The following SMARCC1 variants were observed in gnomAD, a reference collection of about 807,000 sequenced individuals.
SMARCC1 encodes SWI/SNF complex subunit SMARCC1.
Under a neutral mutation model 147.4 loss-of-function variants are expected in SMARCC1, and 43 were observed. That is an observed-to-expected ratio of 0.29 (90% CI 0.23 to 0.38). SMARCC1 has a LOEUF of 0.38. SMARCC1 is among the 10% of genes least tolerant of loss of function. The pLI is 1.00. For missense variants in SMARCC1, 1,119 were observed against 1,381.1 expected (o/e 0.81, Z 3.01); for synonymous variants, 495 against 484.4 (o/e 1.02, Z -0.29).
intron 4 of SMARCC1, among the ~76,000 whole-genome samples, chr3:47,736,906 A>G (rs992729808): frequency 5.9e-5 from 9 of 152,152 alleles, no homozygotes; most frequent in Admixed American, 3.3e-4. Context: ...AGGAAGGTTA[A>G]TTTAGTGATC....
intron 10 of SMARCC1, among the ~76,000 whole-genome samples, chr3:47,703,914 A>C (rs1255315033): frequency 5.3e-5 from 8 of 152,148 alleles, no homozygotes; most frequent in Non-Finnish European, 1.0e-4. Context: ...CTCCTGCCTC[A>C]GCCTCTTGAG....
At chr3:47,593,291 C>A (rs1195990400) in intron 26 of SMARCC1, among the ~76,000 whole-genome samples, 3 of 151,936 alleles carry the variant, frequency 2.0e-5, no homozygotes, top group Non-Finnish European at 2.9e-5. Flanking sequence ...TCTGCCTCAG[C>A]CGCCCGAGTA....
chr3:47,605,542 C>T (rs988674320), intron 26 of SMARCC1, among the ~76,000 whole-genome samples: 5 of 152,060 alleles, frequency 3.3e-5, no homozygotes, highest in African/African-American at 7.2e-5. Flanking sequence ...GAGGCGGAGG[C>T]GGGAGGACTA....
intron 19 of SMARCC1, among the ~76,000 whole-genome samples, chr3:47,666,847 TAGA>T (rs2106743433): frequency 6.6e-6 from 1 of 152,336 alleles, no homozygotes; most frequent in South Asian, 2.1e-4. Context: ...AGTTTTTTAA[TAGA>T]AGATTTACTA....
intron 22 of SMARCC1, among the ~76,000 whole-genome samples, chr3:47,638,509 A>G (rs1290663283): frequency 6.6e-6 from 1 of 152,250 alleles, no homozygotes; most frequent in Non-Finnish European, 1.5e-5. Context: ...TTTAAAATAT[A>G]AAAGAAGAGG....
rs59488548 is a variant in SMARCC1 at position 47,619,197 on chromosome 3, A to C, written c.2781+3010T>G. Reference sequence around the variant, plus strand: ...AGCATCTGTACAACTGCTGTACTATACAAACATACTGTATTGTCGTTATTT... The same window carrying C: ...AGCATCTGTACAACTGCTGTACTATCCAAACATACTGTATTGTCGTTATTT... On this transcript the variant is annotated intron_variant, in intron 25 of 27. Coordinates refer to ENST00000254480, the MANE Select transcript of SMARCC1 (RefSeq NM_003074.4). Among the ~76,000 whole-genome samples the C allele has an allele frequency of 4.7e-4, 71 of 152,294 alleles. No individual in the cohort carries two copies. The East Asian group carries it at 0.012, about 26-fold the overall frequency.
chr3:47,677,856 T>C (rs997887872), intron 16 of SMARCC1, among the ~76,000 whole-genome samples: 1 of 152,078 alleles, frequency 6.6e-6, no homozygotes, highest in Non-Finnish European at 1.5e-5. Flanking sequence ...ATATTTAAAA[T>C]TTTCAACCTC....
chr3:47,642,075 T>C (rs890844851), intron 21 of SMARCC1, among the ~76,000 whole-genome samples: 2 of 152,158 alleles, frequency 1.3e-5, no homozygotes, highest in Non-Finnish European at 2.9e-5. Flanking sequence ...CATCCATCCC[T>C]GAAACATATA....
At chr3:47,733,662 G>A (rs145274345) in intron 5 of SMARCC1, among the ~76,000 whole-genome samples, 1,978 of 151,962 alleles carry the variant, frequency 0.013, 51 homozygotes, top group African/African-American at 0.044. Flanking sequence ...CGAGGCGGGC[G>A]GATCACAAGG....
At chr3:47,643,563 G>C (rs760214214) in intron 21 of SMARCC1, among the ~76,000 whole-genome samples, 1 of 151,754 alleles carries the variant, frequency 6.6e-6, no homozygotes, top group Non-Finnish European at 1.5e-5. Flanking sequence ...AGTCTGACAC[G>C]GTCATTTAGA....
At chr3:47,712,106 C>T (rs2034090790) in intron 8 of SMARCC1, among the ~76,000 whole-genome samples, 1 of 152,124 alleles carries the variant, frequency 6.6e-6, no homozygotes, top group South Asian at 2.1e-4. Flanking sequence ...GTGGCACATG[C>T]CTGTAATCCC....
Position 47,658,580 on chromosome 3 carries a change from T to C in SMARCC1, c.2320+2714A>G, listed in dbSNP as rs570275874. 8.5e-5 allele frequency among the ~76,000 whole-genome samples: 13 copies of C among 152,338 alleles called. No homozygotes were observed. In the East Asian group the frequency reaches 1.9e-3, roughly 23 times the overall value. ...TACCAAATGTTTCAAAATTCATCCA[T>C]CATGTGGCAAATGTAAACACTTCAT... is the stretch of plus-strand genomic sequence containing the variant. On this transcript the variant is annotated intron_variant, in intron 21 of 27. Transcript: ENST00000254480.
intron 21 of SMARCC1, among the ~76,000 whole-genome samples, chr3:47,659,018 T>C (rs1299126685): frequency 6.6e-6 from 1 of 150,562 alleles, no homozygotes; most frequent in Non-Finnish European, 1.5e-5. Flanking sequence ...CTCCAGGGGC[T>C]GAGCAGGGAG....
chr3:47,662,029 A>G (rs2033353692), intron 20 of SMARCC1, among the ~76,000 whole-genome samples: 2 of 146,672 alleles, frequency 1.4e-5, no homozygotes, highest in Non-Finnish European at 3.0e-5. Context: ...GTCTTGCTCT[A>G]TTGCCCAGGG....
At chr3:47,749,700 CCCTCTAAATTAA>C (rs1553690161) in intron 2 of SMARCC1, among the ~76,000 whole-genome samples, 21 of 149,166 alleles carry the variant, frequency 1.4e-4, no homozygotes, top group South Asian at 2.1e-4. Flanking sequence ...CAAAGTGAGA[CCCTCTAAATTAA>C]ACACACACAC....
chr3:47,632,275 CA>C (rs1188902506), intron 24 of SMARCC1, among the ~76,000 whole-genome samples: 3 of 151,960 alleles, frequency 2.0e-5, no homozygotes, highest in Non-Finnish European at 4.4e-5. Flanking sequence ...CAGAGGAAAA[CA>C]TCATGAAGGA....
At chr3:47,589,724 C>T (rs1366481076) in intron 27 of SMARCC1, among the ~76,000 whole-genome samples, 1 of 152,206 alleles carries the variant, frequency 6.6e-6, no homozygotes, top group African/African-American at 2.4e-5. Context: ...TTAGAGTGTA[C>T]TTAAGGCACA....
intron 2 of SMARCC1, among the ~76,000 whole-genome samples, chr3:47,763,389 A>G (rs1489755617): frequency 6.8e-6 from 1 of 147,894 alleles, no homozygotes; most frequent in African/African-American, 2.5e-5. Flanking sequence ...CTGGGCAACA[A>G]TAGCGAGACT....
In SMARCC1 at chr3:47,680,511, G is replaced by C; in HGVS notation, c.1386-3C>G. 1 of 1,216,636 alleles carries C rather than the reference G, an allele frequency of 8.2e-7. No individual in the cohort carries two copies. Among genetic ancestry groups the C allele is most frequent in the Non-Finnish European group, 1.2e-6 (1 of 860,052 alleles). 75.4% of individuals were successfully genotyped at this position (1,216,636 alleles called of 1,614,324 possible). A position where few individuals can be genotyped will look rare whatever the true frequency, so the allele number is the denominator to read the frequency against. On this transcript the variant is annotated splice_polypyrimidine_tract_variant and splice_region_variant and intron_variant, in intron 14 of 27. Coordinates refer to ENST00000254480, the MANE Select transcript of SMARCC1 (RefSeq NM_003074.4). Reference sequence around the variant, plus strand: ...CACGCCGTTCAATCACATGAATACTGAAAAGAAGAAGAAAAAAAGATTTAG... The same window carrying C: ...CACGCCGTTCAATCACATGAATACTCAAAAGAAGAAGAAAAAAAGATTTAG...
Sources: gnomAD v4.1 joint callset for allele counts (sites outside exome capture counted in the v4.1 genomes callset) on GRCh38, gnomAD v4.1.1 for gene constraint, MANE v1.5 for transcripts, NCBI Gene and HGNC (gene_info 2026-07-23, HGNC 2026-07-21) for gene names.